CDH6: variants seen among roughly 807,000 people sequenced by gnomAD.
The protein encoded by CDH6 is cadherin 6.
CDH6 carries 31 observed loss-of-function variants against 78.0 expected under a neutral mutation model. The ratio of observed to expected loss-of-function variants is 0.40; its 90% CI spans 0.30 to 0.54. The LOEUF (loss-of-function observed/expected upper bound fraction) is 0.54. Ranked by LOEUF, CDH6 falls within the 20% of genes least tolerant of loss-of-function variation. The probability of loss-of-function intolerance (pLI) is 0.56; values close to 1 mark genes in which losing one functional copy is unlikely to be tolerated. For missense variants in CDH6, 724 were observed against 975.9 expected (o/e 0.74, Z 3.44); for synonymous variants, 376 against 368.8 (o/e 1.02, Z -0.23).
chr5:31,238,945 G>C (rs561305660), intron 1 of CDH6, among the ~76,000 whole-genome samples: 1 of 152,346 alleles, frequency 6.6e-6, no homozygotes, highest in African/African-American at 2.4e-5. Context: ...TTAGGAAAAA[G>C]TAACACACTT....
chr5:31,319,395 G>A (rs557050907), intron 11 of CDH6, among the ~76,000 whole-genome samples: 1 of 152,152 alleles, frequency 6.6e-6, no homozygotes, highest in Non-Finnish European at 1.5e-5. Context: ...GCCTTTGTTA[G>A]GTATACACCA....
chr5:31,303,464 C>T (rs1407176430), intron 6 of CDH6, among the ~76,000 whole-genome samples: 2 of 152,136 alleles, frequency 1.3e-5, no homozygotes, highest in Admixed American at 1.3e-4. Context: ...ACCTCTTTAG[C>T]TACTTTTTGG....
chr5:31,283,579 A>G (rs1742921652), intron 2 of CDH6, among the ~76,000 whole-genome samples: 2 of 152,326 alleles, frequency 1.3e-5, no homozygotes, highest in Admixed American at 6.5e-5. Flanking sequence ...GTCTGCTATT[A>G]TCATTTTTCC....
chr5:31,312,971 A>ACG (rs1738199732), intron 7 of CDH6, among the ~76,000 whole-genome samples: 1 of 151,724 alleles, frequency 6.6e-6, no homozygotes, highest in Non-Finnish European at 1.5e-5. Context: ...ACACACACAC[A>ACG]TTAAAGTTCT....
chr5:31,221,915 G>A lies in CDH6; in HGVS notation c.-129+28029G>A, dbSNP rs528334384. On this transcript the variant is annotated intron_variant, in intron 1 of 11. Transcript: ENST00000265071. Reference sequence around the variant, plus strand: ...ATTTTTTTTTTCACTTGCAAAAGTGGGGATCAAATCTGCTAGACTTGTTGT... The same window carrying A: ...ATTTTTTTTTTCACTTGCAAAAGTGAGGATCAAATCTGCTAGACTTGTTGT... Among the ~76,000 whole-genome samples the A allele has an allele frequency of 7.2e-5, 11 of 152,182 alleles. No individual in the cohort carries two copies. The East Asian group carries it at 2.1e-3, about 29-fold the overall frequency.
At chr5:31,311,625 GA>G (rs1738157785) in intron 7 of CDH6, among the ~76,000 whole-genome samples, 1 of 152,216 alleles carries the variant, frequency 6.6e-6, no homozygotes, top group Non-Finnish European at 1.5e-5. Context: ...GTGAAGAAAA[GA>G]GGCTTAATTG....
intron 2 of CDH6, among the ~76,000 whole-genome samples, chr5:31,269,632 C>T (rs1325098384): frequency 6.6e-6 from 1 of 152,188 alleles, no homozygotes; most frequent in Non-Finnish European, 1.5e-5. Flanking sequence ...TCTACTAAAT[C>T]CATGTGCAAC....
chr5:31,201,688 G>A (rs1740353213), intron 1 of CDH6, among the ~76,000 whole-genome samples: 1 of 152,044 alleles, frequency 6.6e-6, no homozygotes, highest in African/African-American at 2.4e-5. Context: ...CAAAAGTCTG[G>A]GGACCACTGG....
intron 1 of CDH6, among the ~76,000 whole-genome samples, chr5:31,198,171 A>C (rs1387045424): frequency 6.6e-6 from 1 of 152,194 alleles, no homozygotes; most frequent in Non-Finnish European, 1.5e-5. Flanking sequence ...CTCTTCCAAC[A>C]AAGAAAAGTT....
chr5:31,320,279 T>C (rs1738444783), intron 11 of CDH6, among the ~76,000 whole-genome samples: 1 of 152,222 alleles, frequency 6.6e-6, no homozygotes, highest in Admixed American at 6.5e-5. Context: ...TAAGCAGTTT[T>C]AGCTGTAGAA....
chr5:31,195,489 A>G (rs1221523377), intron 1 of CDH6, among the ~76,000 whole-genome samples: 2 of 152,164 alleles, frequency 1.3e-5, no homozygotes, highest in Non-Finnish European at 2.9e-5. Flanking sequence ...ACTTTGAGAG[A>G]GAGAAAAAAA....
At chr5:31,283,347 C>T (rs891867486) in intron 2 of CDH6, among the ~76,000 whole-genome samples, 1 of 152,120 alleles carries the variant, frequency 6.6e-6, no homozygotes, top group African/African-American at 2.4e-5. Context: ...AATGTAAAAA[C>T]ACAGGGAAAA....
intron 1 of CDH6, among the ~76,000 whole-genome samples, chr5:31,211,255 A>G (rs1740696986): frequency 6.6e-6 from 1 of 152,190 alleles, no homozygotes. Context: ...TTCAAAGGAC[A>G]TCAGGCTATG....
chr5:31,255,799 T>G (rs997290457), intron 1 of CDH6, among the ~76,000 whole-genome samples: 1 of 152,254 alleles, frequency 6.6e-6, no homozygotes, highest in Non-Finnish European at 1.5e-5. Flanking sequence ...CAAGATATTA[T>G]GAGAAGCATC....
At chr5:31,284,632 G>A (rs548525433) in intron 2 of CDH6, among the ~76,000 whole-genome samples, 1 of 152,336 alleles carries the variant, frequency 6.6e-6, no homozygotes, top group East Asian at 1.9e-4. Flanking sequence ...CATGTGCTAA[G>A]GGTGACAAAG....
At chr5:31,316,146 G>A (rs192851144) in intron 8 of CDH6, 62 bp from the exon 9 acceptor site, 1 of 1,557,860 alleles carries the variant, frequency 6.4e-7, no homozygotes, top group African/African-American at 1.4e-5. Context: ...AGCGGATGTT[G>A]TCTAAAGGGA....
chr5:31,329,090 C>A lies in CDH6; in HGVS notation c.*5782C>A. On this transcript the variant is annotated 3_prime_UTR_variant, in exon 12 of 12. Coordinates refer to ENST00000265071, the MANE Select transcript of CDH6 (RefSeq NM_004932.4). ...AAGAGTAAATATGCCTTTTGCAAAT[C>A]AATTTTTGTAACAAGTTATTTATAT... is the stretch of plus-strand genomic sequence containing the variant. The A allele has an allele frequency of 5.0e-6, 1 of 199,212 alleles. No homozygotes were observed. The allele number at this position is 199,212 out of a possible 1,614,324, so 12.3% of individuals were successfully genotyped here. A position where few individuals can be genotyped will look rare whatever the true frequency, so the allele number is the denominator to read the frequency against.
intron 2 of CDH6, among the ~76,000 whole-genome samples, chr5:31,287,993 G>A (rs1743056841): frequency 6.6e-6 from 1 of 152,214 alleles, no homozygotes; most frequent in African/African-American, 2.4e-5. Context: ...TAGAACCTGG[G>A]TTCCTTCCAC....
At chr5:31,302,971 A>G (rs1324152215) in intron 6 of CDH6, among the ~76,000 whole-genome samples, 5 of 143,700 alleles carry the variant, frequency 3.5e-5, no homozygotes, top group African/African-American at 1.0e-4. Context: ...AAGAAAAGAA[A>G]GAAAGAAAGA....
Sources: allele counts gnomAD v4.1 joint callset (sites outside exome capture counted in the v4.1 genomes callset), GRCh38; gene constraint gnomAD v4.1.1; transcripts MANE v1.5; gene names NCBI Gene and HGNC (gene_info 2026-07-23, HGNC 2026-07-21).